GLIS3: variants seen among roughly 807,000 people sequenced by gnomAD.
The protein encoded by GLIS3 is zinc finger protein GLIS3.
A neutral mutation model predicts 78.6 loss-of-function variants in GLIS3; 53 were observed. The observed-to-expected ratio is 0.67, with a 90% CI of 0.54 to 0.85. The LOEUF is 0.85. Among genes scored for constraint, GLIS3 ranks in the 40% least tolerant of loss-of-function variants. The pLI, the probability that GLIS3 is intolerant of heterozygous loss-of-function variation, is 0.00. For synonymous variants in GLIS3, 684 were observed against 509.9 expected (o/e 1.34, Z -4.60); for missense variants, 1,703 against 1,231.1 (o/e 1.38, Z -5.74).
chr9:4,045,206 T>TTTG (rs1426617829), intron 4 of GLIS3, among the ~76,000 whole-genome samples: 2 of 152,178 alleles, frequency 1.3e-5, no homozygotes, highest in African/African-American at 4.8e-5. Flanking sequence ...TGCATCCTTA[T>TTTG]CGTAAGCCCT....
At chr9:4,216,270 A>T (rs1820825797) in intron 2 of GLIS3, among the ~76,000 whole-genome samples, 1 of 151,986 alleles carries the variant, frequency 6.6e-6, no homozygotes, top group Non-Finnish European at 1.5e-5. Flanking sequence ...CAGGAAATCG[A>T]GACCATCCTG....
At chr9:4,310,763 G>C (rs1038438982) in intron 2 of GLIS3, among the ~76,000 whole-genome samples, 60 of 152,124 alleles carry the variant, frequency 3.9e-4, no homozygotes, top group African/African-American at 1.4e-3. Flanking sequence ...TTTTTGGGAA[G>C]GTGATGAGGA....
chr9:4,058,839 G>A (rs561353008), intron 4 of GLIS3, among the ~76,000 whole-genome samples: 25 of 152,126 alleles, frequency 1.6e-4, no homozygotes, highest in South Asian at 4.2e-4. Flanking sequence ...AAAATTAGCC[G>A]GGTTTGGTGG....
At chr9:4,421,279 G>C in the GLIS3 span, among the ~76,000 whole-genome samples, 1 of 152,142 alleles carries the variant, frequency 6.6e-6, no homozygotes, top group South Asian at 2.1e-4. Flanking sequence ...CAGGAAAGGG[G>C]GTCCATCCAA....
chr9:3,948,520 A>G (rs1019132888), intron 4 of GLIS3, among the ~76,000 whole-genome samples: 1 of 152,156 alleles, frequency 6.6e-6, no homozygotes, highest in East Asian at 1.9e-4. Context: ...CTTGGCTCAG[A>G]ATTGTAACCT....
At chr9:4,164,003 A>G (rs1474660475) in intron 2 of GLIS3, among the ~76,000 whole-genome samples, 1 of 152,228 alleles carries the variant, frequency 6.6e-6, no homozygotes, top group Non-Finnish European at 1.5e-5. Context: ...ATAAGAATTA[A>G]CTTTAACCTT....
intron 4 of GLIS3, among the ~76,000 whole-genome samples, chr9:3,995,533 A>G (rs572291504): frequency 1.3e-5 from 2 of 152,278 alleles, no homozygotes; most frequent in Non-Finnish European, 2.9e-5. Context: ...TATCAGATAT[A>G]TAAGTATAAA....
chr9:4,139,114 G>A lies in GLIS3; in HGVS notation c.389-13173C>T, dbSNP rs1042621394. Among the ~76,000 whole-genome samples the A allele has an allele frequency of 3.3e-5, 5 of 152,126 alleles. No individual in the cohort carries two copies. In the East Asian group the frequency reaches 9.6e-4, roughly 29 times the overall value. On this transcript the variant is annotated intron_variant, in intron 2 of 10. Coordinates refer to ENST00000381971, the MANE Select transcript of GLIS3 (RefSeq NM_001042413.2). ...ATCTTATTAAGAAAACAAGTAAGAT[G>A]GTTGCTGAAGTGCCTTTAAGGAATA...
chr9:4,091,511 C>A (rs60434535), intron 4 of GLIS3, among the ~76,000 whole-genome samples: 1,779 of 147,672 alleles, frequency 0.012, 31 homozygotes, highest in African/African-American at 0.041. Flanking sequence ...CTTCATTAGA[C>A]TACACGCACA....
At chr9:4,384,673 C>T in the GLIS3 span, among the ~76,000 whole-genome samples, 2 of 152,008 alleles carry the variant, frequency 1.3e-5, no homozygotes, top group African/African-American at 4.8e-5. Flanking sequence ...TCATGGTCTC[C>T]CAGCTTACTG....
At chr9:4,043,966 G>GT (rs781268357) in intron 4 of GLIS3, among the ~76,000 whole-genome samples, 49 of 152,304 alleles carry the variant, frequency 3.2e-4, no homozygotes, top group Non-Finnish European at 6.3e-4. Context: ...ACAGCCGGCT[G>GT]TTGTCACCAA....
intron 2 of GLIS3, among the ~76,000 whole-genome samples, chr9:4,281,541 C>G (rs1413088952): frequency 6.6e-6 from 1 of 152,174 alleles, no homozygotes; most frequent in Non-Finnish European, 1.5e-5. Flanking sequence ...AATACGTGTC[C>G]TTTTGTGACT....
chr9:3,843,610 T>C (rs1385962587), intron 9 of GLIS3, among the ~76,000 whole-genome samples: 6 of 152,362 alleles, frequency 3.9e-5, no homozygotes, highest in African/African-American at 7.2e-5. Flanking sequence ...TGTATACCCA[T>C]AGTTACTAGG....
chr9:3,967,040 A>AAAAG lies in GLIS3; in HGVS notation c.1711-29852_1711-29851insCTTT, dbSNP rs1226736845. ...AAAAAAAAAAAAAAAAAAACAAAAA[A>AAAAG]ACATTTTGAGGATTTCTCAATCAGG... On this transcript the variant is annotated intron_variant, in intron 4 of 10. Coordinates refer to ENST00000381971, the MANE Select transcript of GLIS3 (RefSeq NM_001042413.2). Among the ~76,000 whole-genome samples, 765 of 129,654 alleles carry AAAAG rather than the reference A, an allele frequency of 5.9e-3. 69 individuals carry two copies. The highest frequency in any genetic ancestry group is 8.9e-3 in the Middle Eastern group (2 of 224). 85.1% of individuals were successfully genotyped at this position (129,654 alleles called of 152,430 possible).
chr9:4,452,433 C>G, the GLIS3 span, among the ~76,000 whole-genome samples: 1 of 152,204 alleles, frequency 6.6e-6, no homozygotes, highest in South Asian at 2.1e-4. Context: ...CCCACTGTCT[C>G]AGCCCCAAAC....
At chr9:4,300,208 T>TCACACACACA (rs35733770), upstream of GLIS3, among the ~76,000 whole-genome samples, 165 of 143,046 alleles carry the variant, frequency 1.2e-3, no homozygotes, top group Middle Eastern at 3.6e-3. Context: ...CTTGACGCAT[T>TCACACACACA]CACACACACA....
chr9:4,063,574 G>C (rs1826837309), intron 4 of GLIS3, among the ~76,000 whole-genome samples: 3 of 151,614 alleles, frequency 2.0e-5, no homozygotes, highest in Non-Finnish European at 2.9e-5. Flanking sequence ...AAAAAAAAAT[G>C]GTGTTGTATT....
At chr9:4,369,275 G>T in the GLIS3 span, among the ~76,000 whole-genome samples, 84 of 152,212 alleles carry the variant, frequency 5.5e-4, no homozygotes, top group Middle Eastern at 3.4e-3. Flanking sequence ...AGGAAGGGAA[G>T]CTTTCTAACC....
intron 2 of GLIS3, among the ~76,000 whole-genome samples, chr9:4,319,758 C>T (rs750664487): frequency 6.6e-6 from 1 of 152,022 alleles, no homozygotes; most frequent in Admixed American, 6.6e-5. Context: ...TTGAACTCTG[C>T]CCTCAAGCTA....
Sources: allele counts gnomAD v4.1 joint callset (sites outside exome capture counted in the v4.1 genomes callset), GRCh38; gene constraint gnomAD v4.1.1; transcripts MANE v1.5; gene names NCBI Gene and HGNC (gene_info 2026-07-23, HGNC 2026-07-21).